ARHGAP26: variants seen among roughly 807,000 people sequenced by gnomAD.
ARHGAP26 encodes the protein rho GTPase-activating protein 26.
A neutral mutation model predicts 104.8 loss-of-function variants in ARHGAP26; 38 were observed. The observed-to-expected ratio is 0.36, with a 90% CI of 0.28 to 0.48. The LOEUF is 0.48. Among genes scored for constraint, ARHGAP26 ranks in the 20% least tolerant of loss-of-function variants. ARHGAP26 has a pLI of 0.99. For synonymous variants in ARHGAP26, 341 were observed against 340.0 expected (o/e 1.00, Z -0.03); for missense variants, 704 against 947.9 (o/e 0.74, Z 3.38).
chr5:142,985,655 C>G (rs1251511494), intron 11 of ARHGAP26, among the ~76,000 whole-genome samples: 1 of 123,610 alleles, frequency 8.1e-6, no homozygotes, highest in East Asian at 2.9e-4. Context: ...TCCCTCCCCC[C>G]TCCCCCCCAC....
intron 17 of ARHGAP26, among the ~76,000 whole-genome samples, chr5:143,095,012 A>G (rs1339069975): frequency 6.6e-6 from 1 of 152,212 alleles, no homozygotes; most frequent in Non-Finnish European, 1.5e-5. Context: ...ATATCTAACA[A>G]TAAATAGACT....
intron 5 of ARHGAP26, among the ~76,000 whole-genome samples, chr5:142,889,719 A>G (rs1020448286): frequency 3.3e-5 from 5 of 152,218 alleles, no homozygotes; most frequent in African/African-American, 1.2e-4. Context: ...CTAAAGAGGT[A>G]ACATTTAAAC....
At chr5:142,998,231 T>C (rs970819882) in intron 11 of ARHGAP26, among the ~76,000 whole-genome samples, 3 of 152,214 alleles carry the variant, frequency 2.0e-5, no homozygotes, top group African/African-American at 7.2e-5. Flanking sequence ...TATATATTCC[T>C]TTTATGTTAA....
intron 14 of ARHGAP26, among the ~76,000 whole-genome samples, chr5:143,050,825 C>T (rs529815042): frequency 1.4e-4 from 21 of 152,242 alleles, no homozygotes; most frequent in African/African-American, 4.1e-4. Flanking sequence ...GCTAGCAATA[C>T]GGCTACTAAT....
chr5:143,186,433 C>T (rs1013937610), intron 20 of ARHGAP26, among the ~76,000 whole-genome samples: 7 of 152,186 alleles, frequency 4.6e-5, no homozygotes, highest in Non-Finnish European at 1.0e-4. Flanking sequence ...ACTATGCCAC[C>T]ATCAGTATGA....
intron 20 of ARHGAP26, among the ~76,000 whole-genome samples, chr5:143,180,990 T>G (rs1423838839): frequency 6.6e-6 from 1 of 152,202 alleles, no homozygotes; most frequent in African/African-American, 2.4e-5. Context: ...CATGGAAACC[T>G]GGCCAGCTTC....
chr5:142,836,828 G>A (rs1482869560), intron 1 of ARHGAP26, among the ~76,000 whole-genome samples: 1 of 152,204 alleles, frequency 6.6e-6, no homozygotes, highest in East Asian at 1.9e-4. Context: ...CTTTAAAACA[G>A]TTTTATGAGA....
intron 7 of ARHGAP26, among the ~76,000 whole-genome samples, chr5:142,902,287 T>G (rs1199745822): frequency 6.6e-6 from 1 of 152,192 alleles, no homozygotes; most frequent in East Asian, 1.9e-4. Context: ...CTGGTTATGT[T>G]TCAAATTTGT....
chr5:142,801,685 C>T (rs1762103048), intron 1 of ARHGAP26, among the ~76,000 whole-genome samples: 1 of 151,706 alleles, frequency 6.6e-6, no homozygotes, highest in African/African-American at 2.4e-5. Flanking sequence ...GAAGAATTCC[C>T]ACCCCTCCCC....
chr5:143,119,215 G>A (rs1599099234), intron 17 of ARHGAP26, among the ~76,000 whole-genome samples: 7 of 152,268 alleles, frequency 4.6e-5, no homozygotes, highest in Admixed American at 4.6e-4. Flanking sequence ...GCCTGACGGG[G>A]AAAAATGATC....
chr5:142,951,513 AT>A (rs1768382947), intron 11 of ARHGAP26, among the ~76,000 whole-genome samples: 1 of 152,094 alleles, frequency 6.6e-6, no homozygotes, highest in African/African-American at 2.4e-5. Flanking sequence ...TCAGTCTGGG[AT>A]TTGGGCTGGG....
intron 20 of ARHGAP26, among the ~76,000 whole-genome samples, chr5:143,181,511 G>A (rs550875624): frequency 6.6e-6 from 1 of 152,234 alleles, no homozygotes; most frequent in Non-Finnish European, 1.5e-5. Context: ...ATCATCCCCA[G>A]TGGGGCACTT....
intron 1 of ARHGAP26, among the ~76,000 whole-genome samples, chr5:142,776,668 T>C (rs1756384461): frequency 6.6e-6 from 1 of 152,238 alleles, no homozygotes; most frequent in African/African-American, 2.4e-5. Context: ...ATTTCCAGTT[T>C]TTTGCTCTTA....
chr5:143,181,081 A>C (rs983893418), intron 20 of ARHGAP26, among the ~76,000 whole-genome samples: 2 of 152,026 alleles, frequency 1.3e-5, no homozygotes, highest in Non-Finnish European at 2.9e-5. Flanking sequence ...CACCATCCCC[A>C]CTGCCACCAC....
chr5:143,081,799 G>A (rs1562386627), intron 17 of ARHGAP26, among the ~76,000 whole-genome samples: 1 of 152,118 alleles, frequency 6.6e-6, no homozygotes, highest in African/African-American at 2.4e-5. Context: ...GGATCACAAG[G>A]TCAGGAGTTC....
intron 17 of ARHGAP26, among the ~76,000 whole-genome samples, chr5:143,074,575 C>T (rs1336861987): frequency 6.6e-6 from 1 of 152,186 alleles, no homozygotes; most frequent in African/African-American, 2.4e-5. Flanking sequence ...TCTCAGTGTT[C>T]ATAAAGTTTT....
intron 11 of ARHGAP26, among the ~76,000 whole-genome samples, chr5:142,985,326 A>G (rs1283384888): frequency 1.3e-5 from 2 of 152,180 alleles, no homozygotes; most frequent in Non-Finnish European, 2.9e-5. Context: ...ATTATTGAAG[A>G]AGAACACTTT....
chr5:143,069,796 A>G (rs201984479), intron 17 of ARHGAP26, among the ~76,000 whole-genome samples: 6 of 152,228 alleles, frequency 3.9e-5, no homozygotes, highest in Admixed American at 6.5e-5. Context: ...AAGTGCCTCA[A>G]TAGCCCTATT....
chr5:143,171,532 G>A (rs367571479), intron 20 of ARHGAP26, among the ~76,000 whole-genome samples: 57 of 152,284 alleles, frequency 3.7e-4, no homozygotes, highest in African/African-American at 1.1e-3. Flanking sequence ...GAGGAATAAA[G>A]TTTTATGGGA....
Sources: allele counts gnomAD v4.1 joint callset (sites outside exome capture counted in the v4.1 genomes callset), GRCh38; gene constraint gnomAD v4.1.1; transcripts MANE v1.5; gene names NCBI Gene and HGNC (gene_info 2026-07-23, HGNC 2026-07-21).